The following IL1R1 variants were observed in gnomAD, a reference collection of about 807,000 sequenced individuals.
The protein encoded by IL1R1 is interleukin-1 receptor type 1.
A neutral mutation model predicts 50.2 loss-of-function variants in IL1R1; 22 were observed. The ratio of observed to expected loss-of-function variants is 0.44; its 90% confidence interval spans 0.31 to 0.63. The LOEUF (loss-of-function observed/expected upper bound fraction) is 0.63, where lower values mean the gene tolerates loss of function less well. IL1R1 is among the 20% of genes least tolerant of loss of function. The pLI is 0.07. For synonymous variants in IL1R1, 251 were observed against 236.7 expected (o/e 1.06, Z -0.55); for missense variants, 509 against 676.2 (o/e 0.75, Z 2.74).
chr2:102,146,700 T>C (rs569189140), intron 1 of IL1R1, among the ~76,000 whole-genome samples: 14 of 152,358 alleles, frequency 9.2e-5, no homozygotes, highest in African/African-American at 3.4e-4. Flanking sequence ...TTCATATGAA[T>C]GTAGAAGGGA....
chr2:102,173,108 A>G (rs191278404), intron 9 of IL1R1, among the ~76,000 whole-genome samples: 5 of 152,298 alleles, frequency 3.3e-5, no homozygotes, highest in African/African-American at 7.2e-5. Context: ...CACAGGATCT[A>G]TGGTACTTCG....
chr2:102,174,564 C>CTTTTTTTTT, intron 9 of IL1R1, 23 bp from the exon 10 acceptor site: 1 of 1,490,216 alleles, frequency 6.7e-7, no homozygotes, highest in African/African-American at 1.4e-5. Flanking sequence ...ATTTTTTCTC[C>CTTTTTTTTT]TTTTTTTTTC....
chr2:102,166,082 G>A, intron 5 of IL1R1, 31 bp from the exon 6 acceptor site: 2 of 1,590,556 alleles, frequency 1.3e-6, no homozygotes, highest in Non-Finnish European at 1.7e-6. Flanking sequence ...TTGGTTATTG[G>A]TTTTCAATGC....
intron 1 of IL1R1, among the ~76,000 whole-genome samples, chr2:102,083,710 C>A (rs1679316737): frequency 1.3e-5 from 2 of 152,116 alleles, no homozygotes; most frequent in African/African-American, 4.8e-5. Context: ...CTTTGGGACG[C>A]CGAGGCAGGT....
intron 1 of IL1R1, among the ~76,000 whole-genome samples, chr2:102,125,879 A>G (rs529273601): frequency 5.4e-4 from 83 of 152,340 alleles, no homozygotes; most frequent in Non-Finnish European, 8.8e-4. Flanking sequence ...GGTTCTTCCC[A>G]GAAGACTTAT....
At chr2:102,157,947 C>G (rs1684346907) in intron 3 of IL1R1, among the ~76,000 whole-genome samples, 162 bp downstream of exon 3, 1 of 152,222 alleles carries the variant, frequency 6.6e-6, no homozygotes, top group African/African-American at 2.4e-5. Flanking sequence ...AAGTTCCTCT[C>G]AGCATCTTCG....
chr2:102,147,923 T>G (rs1683299922), intron 1 of IL1R1, among the ~76,000 whole-genome samples: 1 of 152,238 alleles, frequency 6.6e-6, no homozygotes, highest in African/African-American at 2.4e-5. Flanking sequence ...TTCTCCCATT[T>G]ACATGGGTAA....
At position 102,165,130 on chromosome 2, in the gene IL1R1, C is replaced by A; in HGVS notation, c.312C>A (p.Cys104Ter). The A allele has an allele frequency of 6.4e-7, 1 of 1,571,430 alleles. No individual in the cohort carries two copies. The highest frequency in any genetic ancestry group is 8.6e-7 in the Non-Finnish European group (1 of 1,162,572). ...TTTATTTTAGAAATTCATCTTACTGCCTCAGAATTAAAATAAGTGCAAAAT... is the reference window on the plus strand; with the variant it reads ...TTTATTTTAGAAATTCATCTTACTGACTCAGAATTAAAATAAGTGCAAAAT... ...YYCVVRNSSYCLRIKISAKFV... is the reference protein window; with the variant it reads ...YYCVVRNSSY The change falls in exon 5 of 12, where the codon TGC becomes TGA. Residue 104 changes from cysteine to a stop codon, truncating the protein, a stop_gained. Coordinates refer to ENST00000410023, the MANE Select transcript of IL1R1 (RefSeq NM_000877.4). LOFTEE classifies it high-confidence loss of function.
chr2:102,113,779 A>T (rs762981531), intron 1 of IL1R1, among the ~76,000 whole-genome samples: 15 of 152,160 alleles, frequency 9.9e-5, no homozygotes, highest in African/African-American at 3.4e-4. Context: ...GCAGCCATCC[A>T]TCTCCTCCCC....
chr2:102,153,023 A>T (rs955293830), intron 1 of IL1R1, among the ~76,000 whole-genome samples: 1 of 152,230 alleles, frequency 6.6e-6, no homozygotes, highest in Admixed American at 6.5e-5. Context: ...ACTAAAAGAA[A>T]ACTGCAAAAA....
intron 1 of IL1R1, among the ~76,000 whole-genome samples, chr2:102,078,392 A>C (rs1679066360): frequency 6.6e-6 from 1 of 152,114 alleles, no homozygotes; most frequent in African/African-American, 2.4e-5. Context: ...TACAGAAATA[A>C]GAGGGATTAT....
Position 102,166,220 on chromosome 2 carries a change from A to G in IL1R1, c.594A>G (p.Ala198=). The G allele has an allele frequency of 6.2e-7, 1 of 1,613,904 alleles. No homozygotes were observed. Among genetic ancestry groups the G allele is most frequent in the African/African-American group, 1.3e-5 (1 of 75,024 alleles). ...ATAGAGGGAACTATACTTGTCATGC[A>G]TCCTACACATACTTGGGCAAGCAAT... ...EKHRGNYTCH[A]SYTYLGKQYP... Residue 198 remains alanine, a synonymous_variant, in exon 6 of 12, where the codon GCA becomes GCG. Transcript: ENST00000410023.
At chr2:102,072,111 T>A (rs938175376) in intron 1 of IL1R1, among the ~76,000 whole-genome samples, 4 of 151,716 alleles carry the variant, frequency 2.6e-5, no homozygotes, top group Non-Finnish European at 5.9e-5. Context: ...TACAAAAAAA[T>A]TAGCTGGGCA....
intron 1 of IL1R1, among the ~76,000 whole-genome samples, chr2:102,137,051 A>G (rs1577929778): frequency 6.6e-6 from 1 of 152,220 alleles, no homozygotes; most frequent in African/African-American, 2.4e-5. Context: ...AACCTATTTG[A>G]CCATCTCATA....
chr2:102,168,749 A>G, intron 7 of IL1R1, 86 bp downstream of exon 7: 1 of 925,364 alleles, frequency 1.1e-6, no homozygotes, highest in Non-Finnish European at 1.7e-6. Flanking sequence ...TTTACTATAT[A>G]TAATCTAAGC....
At chr2:102,131,342 C>T (rs951861814) in intron 1 of IL1R1, among the ~76,000 whole-genome samples, 1 of 151,994 alleles carries the variant, frequency 6.6e-6, no homozygotes, top group Non-Finnish European at 1.5e-5. Flanking sequence ...TGGCATTCAA[C>T]CAAAAAATTA....
In IL1R1 at chr2:102,175,494, C is replaced by T. The variant is rs963946273; in HGVS notation, c.1152C>T (p.Thr384=). The change falls in exon 11 of 12, where the codon ACC becomes ACT. Residue 384 remains threonine (T), a synonymous_variant. Coordinates refer to ENST00000410023, the MANE Select transcript of IL1R1 (RefSeq NM_000877.4). ...TTCCTTTAGCTTCAGATGGAAAGAC[C>T]TATGACGCATATATACTGTATCCAA... ...FLPIKASDGK[T]YDAYILYPKT... 6.2e-7 allele frequency: 1 copy of T among 1,613,188 alleles called. No individual in the cohort carries two copies. The highest frequency in any genetic ancestry group is 1.3e-5 in the African/African-American group (1 of 74,890).
chr2:102,166,072 T>C, intron 5 of IL1R1, 41 bp from the exon 6 acceptor site: 1 of 1,547,470 alleles, frequency 6.5e-7, no homozygotes, highest in Non-Finnish European at 8.8e-7. Context: ...GGGAAAGTTA[T>C]TGGTTATTGG....
intron 1 of IL1R1, among the ~76,000 whole-genome samples, chr2:102,111,339 T>C (rs1004605647): frequency 5.3e-5 from 8 of 152,210 alleles, no homozygotes; most frequent in Non-Finnish European, 1.0e-4. Flanking sequence ...GGGCCGCTGC[T>C]GCACATAGGG....
Sources: allele counts gnomAD v4.1 joint callset (sites outside exome capture counted in the v4.1 genomes callset), GRCh38; gene constraint gnomAD v4.1.1; transcripts MANE v1.5; gene names NCBI Gene and HGNC (gene_info 2026-07-23, HGNC 2026-07-21).